The following RBM27 variants were observed in gnomAD, a reference collection of about 807,000 sequenced individuals.
RBM27 encodes RNA binding motif protein 27.
RBM27 carries 22 observed loss-of-function variants against 135.3 expected under a neutral mutation model. That is an observed-to-expected ratio of 0.16 (90% confidence interval 0.12 to 0.23). RBM27 has a LOEUF of 0.23. Among genes scored for constraint, RBM27 ranks in the 10% least tolerant of loss-of-function variants. The pLI, the probability that RBM27 is intolerant of heterozygous loss-of-function variation, is 1.00. For missense variants in RBM27, 1,009 were observed against 1,281.0 expected (o/e 0.79, Z 3.24); for synonymous variants, 481 against 442.4 (o/e 1.09, Z -1.10).
chr5:146,282,911 G>C (rs925413915), intron 19 of RBM27, among the ~76,000 whole-genome samples: 1 of 152,120 alleles, frequency 6.6e-6, no homozygotes, highest in African/African-American at 2.4e-5. Context: ...TTTGTTGTAA[G>C]TTAGATAGTA....
chr5:146,221,072 T>G (rs752964186), intron 2 of RBM27, among the ~76,000 whole-genome samples: 43 of 151,350 alleles, frequency 2.8e-4, no homozygotes, highest in Non-Finnish European at 5.3e-4. Context: ...CACAAAAAAA[T>G]TAGCCGGGCA....
At chr5:146,203,875 C>T (rs13168092) in intron 1 of RBM27, 51 bp downstream of exon 1, 6 of 280,426 alleles carry the variant, frequency 2.1e-5, no homozygotes, top group Non-Finnish European at 3.4e-5. Context: ...GTTGGGGGCT[C>T]GCGGGGGCGT....
intron 8 of RBM27, among the ~76,000 whole-genome samples, chr5:146,242,267 A>G (rs1479748249): frequency 2.0e-5 from 3 of 152,190 alleles, no homozygotes; most frequent in Non-Finnish European, 1.5e-5. Context: ...ATGAAATAGC[A>G]CTACATATCC....
chr5:146,205,545 A>G (rs751758377), intron 1 of RBM27, among the ~76,000 whole-genome samples: 1 of 152,062 alleles, frequency 6.6e-6, no homozygotes, highest in African/African-American at 2.4e-5. Context: ...GACTGAACAC[A>G]CTTGAAGGTT....
intron 12 of RBM27, among the ~76,000 whole-genome samples, chr5:146,261,148 A>G (rs1430205404): frequency 6.6e-6 from 1 of 152,220 alleles, no homozygotes; most frequent in Admixed American, 6.5e-5. Context: ...ACAGTTTTGG[A>G]GACTGAGAAG....
At chr5:146,223,168 C>A (rs1756527613) in intron 2 of RBM27, among the ~76,000 whole-genome samples, 1 of 152,056 alleles carries the variant, frequency 6.6e-6, no homozygotes, top group Non-Finnish European at 1.5e-5. Flanking sequence ...TGAGTTGTTT[C>A]CGATCGTTTG....
chr5:146,278,500 T>A (rs1759186777), intron 19 of RBM27, among the ~76,000 whole-genome samples: 1 of 151,964 alleles, frequency 6.6e-6, no homozygotes, highest in Non-Finnish European at 1.5e-5. Context: ...AAAGATATTC[T>A]CTCTCTATAT....
At chr5:146,284,837 C>T (rs1214509533) in intron 20 of RBM27, 105 bp downstream of exon 20, 2 of 670,726 alleles carry the variant, frequency 3.0e-6, no homozygotes, top group African/African-American at 1.8e-5. Context: ...GTTTTTCTTT[C>T]ATGCATGCAA....
chr5:146,216,137 A>G (rs777014219), intron 1 of RBM27, among the ~76,000 whole-genome samples: 2 of 152,060 alleles, frequency 1.3e-5, no homozygotes, highest in Non-Finnish European at 2.9e-5. Context: ...GCTCACTGCA[A>G]ACTCCACCTC....
At chr5:146,233,151 G>A (rs139429347) in intron 6 of RBM27, among the ~76,000 whole-genome samples, 10 of 152,294 alleles carry the variant, frequency 6.6e-5, no homozygotes, top group African/African-American at 2.4e-4. Context: ...AAATATCTGA[G>A]TTTTTATTAT....
chr5:146,210,599 A>G (rs778635201), intron 1 of RBM27, among the ~76,000 whole-genome samples: 2 of 152,158 alleles, frequency 1.3e-5, no homozygotes, highest in Non-Finnish European at 2.9e-5. Flanking sequence ...CTAGACTCCA[A>G]GTTTGCTGAT....
intron 8 of RBM27, among the ~76,000 whole-genome samples, chr5:146,244,103 A>G (rs1757519388): frequency 6.6e-6 from 1 of 152,244 alleles, no homozygotes; most frequent in African/African-American, 2.4e-5. Context: ...TTTAGGCTGC[A>G]GTTGTCACTG....
At chr5:146,236,618 G>C (rs1251715849) in intron 7 of RBM27, among the ~76,000 whole-genome samples, 1 of 152,044 alleles carries the variant, frequency 6.6e-6, no homozygotes, top group Non-Finnish European at 1.5e-5. Context: ...GTTAGTACTA[G>C]TATGGTATTT....
intron 1 of RBM27, among the ~76,000 whole-genome samples, chr5:146,211,789 T>A (rs1433056298): frequency 6.6e-6 from 1 of 152,136 alleles, no homozygotes; most frequent in African/African-American, 2.4e-5. Context: ...AGGGATAATC[T>A]GAACACAGAT....
chr5:146,263,594 T>C lies in RBM27; in HGVS notation c.2294T>C (p.Leu765Ser). The change falls in exon 14 of 21, where the codon TTG becomes TCG. Residue 765 changes from leucine (L) to serine (S), a missense_variant. Leu to Ser is a moderately radical substitution (Grantham distance 145). This residue lies in a region of RBM27 where 355 missense variants were observed against 427.3 expected (regional missense o/e 0.83). Transcript: ENST00000265271. ...GGTAACCAGAGTGATGCATCACATT[T>C]GTTGAATCAGTCTGGTGGTGCTGGA... ...AGGNQSDASH[L>S]LNQSGGAGED... 1 of 1,614,170 alleles carries C rather than the reference T, an allele frequency of 6.2e-7. No homozygotes were observed. The highest frequency in any genetic ancestry group is 8.5e-7 in the Non-Finnish European group (1 of 1,180,024).
At chr5:146,263,663 A>C (rs1298634843) in intron 14 of RBM27, 32 bp downstream of exon 14, 1 of 1,605,816 alleles carries the variant, frequency 6.2e-7, no homozygotes, top group Non-Finnish European at 8.5e-7. Context: ...AGATATATTT[A>C]GAATCATTCA....
intron 7 of RBM27, among the ~76,000 whole-genome samples, chr5:146,235,970 G>A (rs1385615224): frequency 6.6e-6 from 1 of 152,106 alleles, no homozygotes; most frequent in Non-Finnish European, 1.5e-5. Context: ...GATTACAGGC[G>A]TGAGCCACCG....
Position 146,288,923 on chromosome 5 carries a change from G to C in RBM27, c.*2893G>C, listed in dbSNP as rs868286144. The C allele has an allele frequency of 6.6e-6, 1 of 151,920 alleles. No individual in the cohort carries two copies. The highest frequency in any genetic ancestry group is 2.4e-5 in the African/African-American group (1 of 41,374). The allele number at this position is 151,920 out of a possible 1,614,324, so 9.4% of individuals were successfully genotyped here. ...AAAAATCATGTGAAAAGGAATAGTG[G>C]TTCCTCTTGATGTATAGTATGCCTG... On this transcript the variant is annotated 3_prime_UTR_variant, in exon 21 of 21. Transcript: ENST00000265271.
intron 8 of RBM27, among the ~76,000 whole-genome samples, chr5:146,246,336 G>A (rs1757621611): frequency 6.6e-6 from 1 of 152,120 alleles, no homozygotes; most frequent in Non-Finnish European, 1.5e-5. Context: ...TCTGACTAGA[G>A]TTAATATTAA....
Sources: gnomAD v4.1 joint callset for allele counts (sites outside exome capture counted in the v4.1 genomes callset) on GRCh38, gnomAD v4.1.1 for gene constraint, gnomAD v4.1.1 regional missense constraint, MANE v1.5 for transcripts, NCBI Gene and HGNC (gene_info 2026-07-23, HGNC 2026-07-21) for gene names.